Variants in MPPED2 observed in about 807,000 individuals in gnomAD.
MPPED2 encodes metallophosphoesterase MPPED2.
In MPPED2, 5 loss-of-function variants were observed where a neutral mutation model predicts 33.0. The observed-to-expected ratio is 0.15, with a 90% CI of 0.08 to 0.32. The LOEUF (loss-of-function observed/expected upper bound fraction) is 0.32. MPPED2 is among the 10% of genes least tolerant of loss of function. The pLI, the probability that MPPED2 is intolerant of heterozygous loss-of-function variation, is 1.00. For synonymous variants in MPPED2, 136 were observed against 141.9 expected, an observed-to-expected ratio of 0.96 and a Z score of 0.29; for missense variants, 275 against 372.1, an observed-to-expected ratio of 0.74 and a Z score of 2.15.
At chr11:30,442,638 C>T (rs969056264) in intron 4 of MPPED2, among the ~76,000 whole-genome samples, 2 of 152,202 alleles carry the variant, frequency 1.3e-5, no homozygotes, top group African/African-American at 4.8e-5. Flanking sequence ...CCAACTCCAC[C>T]TGGGAGAGTC....
In MPPED2 at chr11:30,454,242, C is replaced by T. The variant is rs1287177424; in HGVS notation, c.537-36609G>A. The stretch of plus-strand genomic sequence containing the variant: ...CTCTTACAGCCTCATTAAATCTAAG[C>T]CTCATTTAACTAGTAGGACATTTTT... On this transcript the variant is annotated intron_variant, in intron 4 of 6. Transcript: ENST00000358117. Among the ~76,000 whole-genome samples, 3 of 152,132 alleles carry T rather than the reference C, an allele frequency of 2.0e-5. No homozygotes were observed. In the East Asian group the frequency reaches 5.8e-4, roughly 29 times the overall value.
intron 2 of MPPED2, among the ~76,000 whole-genome samples, chr11:30,575,727 C>T (rs1422774035): frequency 6.6e-6 from 1 of 152,174 alleles, no homozygotes; most frequent in African/African-American, 2.4e-5. Flanking sequence ...ACTGTGATTC[C>T]ACAGACAGCA....
At chr11:30,577,973 G>A (rs187741326) in intron 2 of MPPED2, among the ~76,000 whole-genome samples, 93 of 152,314 alleles carry the variant, frequency 6.1e-4, no homozygotes, top group African/African-American at 1.7e-3. Context: ...AAAAGAATAA[G>A]AGACAGATAG....
chr11:30,485,542 C>T (rs904619248), intron 4 of MPPED2, among the ~76,000 whole-genome samples: 1 of 97,938 alleles, frequency 1.0e-5, no homozygotes, highest in African/African-American at 3.0e-5. Flanking sequence ...TAAGGCCAAA[C>T]CCCGCGGAGC....
intron 4 of MPPED2, among the ~76,000 whole-genome samples, chr11:30,422,144 A>T (rs1948642476): frequency 6.6e-6 from 1 of 152,164 alleles, no homozygotes; most frequent in African/African-American, 2.4e-5. Flanking sequence ...ATGAGAGTGG[A>T]CTCAATTACT....
chr11:30,579,084 G>A lies in MPPED2; in HGVS notation c.128+1162C>T, dbSNP rs118078738. On this transcript the variant is annotated intron_variant, in intron 2 of 6. Transcript: ENST00000358117. ...AAATCTCATCATAGGTAACTGACTC[G>A]CTCTCCAGAATATACTTGCAAAGCA... Among the ~76,000 whole-genome samples the A allele has an allele frequency of 2.6e-3, 381 of 146,042 alleles. 11 individuals are homozygous for A. In the East Asian group the frequency reaches 0.066, roughly 25 times the overall value.
rs1164032812 is a variant in MPPED2 at position 30,458,921 on chromosome 11, T to C, written c.536+36375A>G. Among the ~76,000 whole-genome samples, 611 of 111,350 alleles carry C rather than the reference T, an allele frequency of 5.5e-3. 9 individuals carry two copies. The highest frequency in any genetic ancestry group is 0.02 in the African/African-American group (581 of 29,150). The allele number at this position is 111,350 out of a possible 152,430, so 73.0% of individuals were successfully genotyped here. A position where few individuals can be genotyped will look rare whatever the true frequency, so the allele number is the denominator to read the frequency against. ...GGACAATTTTGCACAGTTCTTTTTT[T>C]TTTTTTTTTTTTTTTTTTTTTTGAG... is the stretch of plus-strand genomic sequence containing the variant. On this transcript the variant is annotated intron_variant, in intron 4 of 6. Transcript: ENST00000358117.
chr11:30,539,069 AG>A (rs1163923032), intron 2 of MPPED2, among the ~76,000 whole-genome samples: 1 of 152,134 alleles, frequency 6.6e-6, no homozygotes, highest in East Asian at 1.9e-4. Flanking sequence ...GGCAAATTCC[AG>A]TGGAGATAAT....
intron 4 of MPPED2, among the ~76,000 whole-genome samples, chr11:30,434,553 C>A (rs186668254): frequency 3.4e-4 from 52 of 152,314 alleles, no homozygotes; most frequent in African/African-American, 1.2e-3. Context: ...ATTTAAATCA[C>A]AATTTTCATA....
intron 2 of MPPED2, among the ~76,000 whole-genome samples, chr11:30,566,568 AAATG>A (rs1956451342): frequency 6.6e-6 from 1 of 152,178 alleles, no homozygotes; most frequent in Non-Finnish European, 1.5e-5. Context: ...CATGCTCTCA[AAATG>A]AATGAGTGAT....
exon 7 of MPPED2, chr11:30,385,485 A>G (rs958251924): frequency 2.0e-5 from 3 of 152,156 alleles, no homozygotes; most frequent in African/African-American, 7.2e-5. Flanking sequence ...ATGCAAGCAC[A>G]CTGTTACTGA....
intron 3 of MPPED2, among the ~76,000 whole-genome samples, chr11:30,498,867 G>A (rs1215275188): frequency 6.6e-6 from 1 of 152,182 alleles, no homozygotes; most frequent in Non-Finnish European, 1.5e-5. Context: ...GGTAGGAAGT[G>A]AATTAATGAG....
chr11:30,515,259 G>A (rs1487502520), intron 3 of MPPED2, among the ~76,000 whole-genome samples: 1 of 152,128 alleles, frequency 6.6e-6, no homozygotes, highest in African/African-American at 2.4e-5. Context: ...GATAATAGGA[G>A]TATGCAGAAT....
intron 3 of MPPED2, among the ~76,000 whole-genome samples, chr11:30,504,045 G>A (rs1952696416): frequency 6.6e-6 from 1 of 152,172 alleles, no homozygotes; most frequent in Non-Finnish European, 1.5e-5. Flanking sequence ...ACAACAATTT[G>A]ATCACATTTC....
intron 6 of MPPED2, among the ~76,000 whole-genome samples, chr11:30,412,705 T>C (rs949325936): frequency 1.3e-5 from 2 of 152,214 alleles, no homozygotes; most frequent in Admixed American, 1.3e-4. Context: ...GCCCTCTTCC[T>C]GCCCTCTTCA....
intron 4 of MPPED2, among the ~76,000 whole-genome samples, chr11:30,466,657 G>A (rs1466266104): frequency 6.6e-6 from 1 of 152,208 alleles, no homozygotes; most frequent in Admixed American, 6.5e-5. Flanking sequence ...TACTGAAGGG[G>A]CAGTGATGCA....
rs570265077 is a variant in MPPED2 at position 30,555,091 on chromosome 11, C to A, written c.129-18916G>T. 3.3e-5 allele frequency among the ~76,000 whole-genome samples: 5 copies of A among 152,296 alleles called. No homozygotes were observed. The South Asian group carries it at 8.3e-4, about 25-fold the overall frequency. On this transcript the variant is annotated intron_variant, in intron 2 of 6. Coordinates refer to ENST00000358117, the MANE Select transcript of MPPED2 (RefSeq NM_001584.3). ...CACAGGACAAACTATTCTCACTCAA[C>A]TACAAATTATTTTCCTAATGTTGGA...
intron 2 of MPPED2, among the ~76,000 whole-genome samples, chr11:30,539,540 A>G (rs1954987723): frequency 6.6e-6 from 1 of 152,192 alleles, no homozygotes; most frequent in Admixed American, 6.5e-5. Flanking sequence ...AATGTTTTAC[A>G]TGACATCTGA....
intron 6 of MPPED2, among the ~76,000 whole-genome samples, chr11:30,394,887 C>T (rs59961833): frequency 1.3e-5 from 2 of 152,116 alleles, no homozygotes; most frequent in African/African-American, 4.8e-5. Context: ...TTAGATAATC[C>T]CTTTTGAGAC....
Sources: allele counts gnomAD v4.1 joint callset (sites outside exome capture counted in the v4.1 genomes callset), GRCh38; gene constraint gnomAD v4.1.1; transcripts MANE v1.5; gene names NCBI Gene and HGNC (gene_info 2026-07-23, HGNC 2026-07-21).